Variants in ACTL8 observed in about 807,000 individuals in gnomAD.
ACTL8 encodes the protein actin like 8, also known as actin-like protein 8.
Under a neutral mutation model 9.3 loss-of-function variants are expected in ACTL8, and 3 were observed. That is an observed-to-expected ratio of 0.32 (90% confidence interval 0.15 to 0.83). The LOEUF is 0.83. ACTL8 is among the 40% of genes least tolerant of loss of function. The pLI is 0.57. For synonymous variants in ACTL8, 224 were observed against 205.9 expected (o/e 1.09, Z -0.75); for missense variants, 381 against 492.2 (o/e 0.77, Z 2.14).
At chr1:17,766,705 G>T (rs569970083) in intron 1 of ACTL8, among the ~76,000 whole-genome samples, 1 of 152,234 alleles carries the variant, frequency 6.6e-6, no homozygotes, top group Non-Finnish European at 1.5e-5. Flanking sequence ...CCCAGGACTG[G>T]GAGCCATAAT....
chr1:17,804,928 A>G lies in ACTL8; in HGVS notation c.-24-18057A>G, dbSNP rs79092181. ...CTGTGCCCGGCAGTCCTCATCTTCT[A>G]TCCTCAACCCAGCAGCCAGTGTCAT... On this transcript the variant is annotated intron_variant, in intron 1 of 2. Transcript: ENST00000375406. Among the ~76,000 whole-genome samples, 357 of 152,052 alleles carry G rather than the reference A, an allele frequency of 2.3e-3. 2 individuals carry two copies. Among genetic ancestry groups the G allele is most frequent in the Middle Eastern group, 6.8e-3 (2 of 294 alleles).
In ACTL8 at chr1:17,769,958, G is replaced by A. The variant is rs12567642; in HGVS notation, c.-25+14454G>A. ...GTGGAGTCACCAGCTTGCAGTGTCT[G>A]GATTATTTGGGTCTCCTCCAGCCAG... On this transcript the variant is annotated intron_variant, in intron 1 of 2. Coordinates refer to ENST00000375406, the MANE Select transcript of ACTL8 (RefSeq NM_030812.3). 8.7e-3 allele frequency among the ~76,000 whole-genome samples: 1,330 copies of A among 152,270 alleles called. 22 individuals carry two copies. Among genetic ancestry groups the A allele is most frequent in the East Asian group, 0.052 (267 of 5,180 alleles).
At chr1:17,761,466 G>A (rs1340468476) in intron 1 of ACTL8, among the ~76,000 whole-genome samples, 3 of 152,098 alleles carry the variant, frequency 2.0e-5, no homozygotes, top group Non-Finnish European at 4.4e-5. Flanking sequence ...TGTGTGATCC[G>A]CCCAGGTAAT....
chr1:17,774,805 G>C (rs529734383), intron 1 of ACTL8, among the ~76,000 whole-genome samples: 4 of 152,126 alleles, frequency 2.6e-5, no homozygotes, highest in Non-Finnish European at 5.9e-5. Flanking sequence ...CCCTGGAGCC[G>C]CTGGAAGAGG....
rs1450704159 is a variant in ACTL8, at chr1:17,808,260, A to G, written c.-24-14725A>G. On this transcript the variant is annotated intron_variant, in intron 1 of 2. Coordinates refer to ENST00000375406, the MANE Select transcript of ACTL8 (RefSeq NM_030812.3). ...GAGGGACACAAGACCCCAGGGACACATTAACAGGAGGCAGATGGCAATAAG... is the reference window on the plus strand; with the variant it reads ...GAGGGACACAAGACCCCAGGGACACGTTAACAGGAGGCAGATGGCAATAAG... Among the ~76,000 whole-genome samples, 3 of 152,234 alleles carry G rather than the reference A, an allele frequency of 2.0e-5. No individual in the cohort carries two copies. In the East Asian group the frequency reaches 5.8e-4, roughly 29 times the overall value.
At position 17,820,526 on chromosome 1, in the gene ACTL8, G is replaced by A. The variant is rs376056853; in HGVS notation, c.-24-2459G>A. 1.3e-4 allele frequency among the ~76,000 whole-genome samples: 20 copies of A among 151,802 alleles called. No homozygotes were observed. The South Asian group carries it at 3.5e-3, about 27-fold the overall frequency. ...GTTTTCATTTCCCTTGAGTAAATAC[G>A]TAAGAGTGGAAATGCAGGTCATACG... On this transcript the variant is annotated intron_variant, in intron 1 of 2. Coordinates refer to ENST00000375406, the MANE Select transcript of ACTL8 (RefSeq NM_030812.3).
At chr1:17,816,199 G>GTTTTTTTTTT (rs2066425065) in intron 1 of ACTL8, among the ~76,000 whole-genome samples, 1 of 123,508 alleles carries the variant, frequency 8.1e-6, no homozygotes, top group African/African-American at 3.4e-5. Flanking sequence ...AATATTAATA[G>GTTTTTTTTTT]CTTTTTTTTT....
rs181343854 is a variant in ACTL8, at chr1:17,786,600, A to G, written c.-25+31096A>G. 5.8e-3 allele frequency among the ~76,000 whole-genome samples: 879 copies of G among 152,298 alleles called. 15 individuals carry two copies. The highest frequency in any genetic ancestry group is 0.019 in the African/African-American group (804 of 41,568). On this transcript the variant is annotated intron_variant, in intron 1 of 2. Transcript: ENST00000375406. ...AGGAAGAATGGAGAACAGGGGAGGAAAGTGAGCAGGACCTCAAAAGGGATA... is the reference window on the plus strand; with the variant it reads ...AGGAAGAATGGAGAACAGGGGAGGAGAGTGAGCAGGACCTCAAAAGGGATA...
chr1:17,826,050 A>G lies in ACTL8; in HGVS notation c.632A>G (p.Lys211Arg). ...LETVAVTQMN[K>R]CYVPQNLGEA... ...ACAGTCGCCGTGACTCAGATGAACAAGTGCTACGTGCCGCAGAATCTGGGG... is the reference window on the plus strand; with the variant it reads ...ACAGTCGCCGTGACTCAGATGAACAGGTGCTACGTGCCGCAGAATCTGGGG... The change falls in exon 3 of 3, where the codon AAG (lysine) becomes AGG (arginine). Residue 211 changes from lysine to arginine, a missense_variant. Lys to Arg is a conservative substitution (Grantham distance 26). Coordinates refer to ENST00000375406, the MANE Select transcript of ACTL8 (RefSeq NM_030812.3). The surrounding 1 kb of genome is among the most constrained non-coding windows in gnomAD (Gnocchi z 4.5). The G allele has an allele frequency of 1.2e-6, 2 of 1,606,802 alleles. No homozygotes were observed. The highest frequency in any genetic ancestry group is 2.2e-5 in the South Asian group (2 of 91,086).
intron 1 of ACTL8, among the ~76,000 whole-genome samples, chr1:17,802,424 CGTGTGTGTGT>C (rs72387933): frequency 2.0e-5 from 3 of 146,694 alleles, no homozygotes; most frequent in Admixed American, 6.9e-5. Flanking sequence ...ACTGTGCGTG[CGTGTGTGTGT>C]GTGTGTGTGT....
In ACTL8 at chr1:17,823,777, A is replaced by C. The variant is rs895472373; in HGVS notation, c.348+421A>C. Among the ~76,000 whole-genome samples the C allele has an allele frequency of 1.3e-5, 2 of 152,136 alleles. No individual in the cohort carries two copies. The highest frequency in any genetic ancestry group is 2.9e-5 in the Non-Finnish European group (2 of 68,038). On this transcript the variant is annotated intron_variant, in intron 2 of 2. Transcript: ENST00000375406. The surrounding 1 kb of genome is among the most constrained non-coding windows in gnomAD (Gnocchi z 5.3). ...CCAACAGAAACCAACAAATTGCCCC[A>C]CAAACATTTCCCAAGAACCTAGTGA... is the stretch of plus-strand genomic sequence containing the variant.
intron 1 of ACTL8, among the ~76,000 whole-genome samples, chr1:17,812,140 G>T (rs998851583): frequency 6.6e-6 from 1 of 152,082 alleles, no homozygotes; most frequent in African/African-American, 2.4e-5. Flanking sequence ...TTATAGGTGT[G>T]AGCTACCACA....
chr1:17,787,375 A>C (rs190206972), intron 1 of ACTL8, among the ~76,000 whole-genome samples: 33 of 151,838 alleles, frequency 2.2e-4, no homozygotes, highest in African/African-American at 6.5e-4. Context: ...AGCAATTCTC[A>C]TGCTCAGCCT....
At chr1:17,816,017 A>G (rs1244679613) in intron 1 of ACTL8, among the ~76,000 whole-genome samples, 4 of 152,208 alleles carry the variant, frequency 2.6e-5, no homozygotes, top group Non-Finnish European at 5.9e-5. Flanking sequence ...ACAACATGTT[A>G]TAATTTATGA....
At chr1:17,770,811 A>G (rs928916152) in intron 1 of ACTL8, among the ~76,000 whole-genome samples, 9 of 152,212 alleles carry the variant, frequency 5.9e-5, no homozygotes, top group African/African-American at 2.2e-4. Context: ...AAGTGGCTCC[A>G]CTGAGATTGT....
At chr1:17,808,048 T>A (rs1005875862) in intron 1 of ACTL8, among the ~76,000 whole-genome samples, 4 of 152,124 alleles carry the variant, frequency 2.6e-5, no homozygotes, top group African/African-American at 4.8e-5. Flanking sequence ...TAAAATGAGA[T>A]GGAAACTGGA....
At chr1:17,762,597 C>T (rs1157459359) in intron 1 of ACTL8, among the ~76,000 whole-genome samples, 1 of 152,186 alleles carries the variant, frequency 6.6e-6, no homozygotes, top group Non-Finnish European at 1.5e-5. Flanking sequence ...GACTGTTTGG[C>T]AGTGGTTGTG....
At chr1:17,783,711 C>G (rs1327830300) in intron 1 of ACTL8, among the ~76,000 whole-genome samples, 1 of 152,212 alleles carries the variant, frequency 6.6e-6, no homozygotes, top group Non-Finnish European at 1.5e-5. Context: ...TGCAGACAAG[C>G]TGCTCCTATG....
chr1:17,807,499 A>G (rs888223397), intron 1 of ACTL8, among the ~76,000 whole-genome samples: 4 of 152,110 alleles, frequency 2.6e-5, no homozygotes, highest in Non-Finnish European at 5.9e-5. Context: ...ACGAGGAGTG[A>G]AGTAGTTGGC....
Sources: gnomAD v4.1 joint callset for allele counts (sites outside exome capture counted in the v4.1 genomes callset) on GRCh38, gnomAD v4.1.1 for gene constraint, Gnocchi (gnomAD v3.1) non-coding constraint, MANE v1.5 for transcripts, NCBI Gene and HGNC (gene_info 2026-07-23, HGNC 2026-07-21) for gene names.